Variants in ABL1 observed in about 807,000 individuals in gnomAD.
ABL1 encodes the protein ABL proto-oncogene 1, non-receptor tyrosine kinase.
ABL1 carries 11 observed loss-of-function variants against 94.7 expected under a neutral mutation model. The observed-to-expected ratio is 0.12, with a 90% CI of 0.07 to 0.19. ABL1 has a LOEUF of 0.19. Ranked by LOEUF, ABL1 falls within the 10% of genes least tolerant of loss-of-function variation. The pLI is 1.00. For missense variants in ABL1, 1,082 were observed against 1,489.4 expected (o/e 0.73, Z 4.50); for synonymous variants, 656 against 622.4 (o/e 1.05, Z -0.80).
intron 1 of ABL1, among the ~76,000 whole-genome samples, chr9:130,837,085 C>T (rs895788933): frequency 1.3e-5 from 2 of 152,180 alleles, no homozygotes; most frequent in East Asian, 3.8e-4. Flanking sequence ...TACCTCACTC[C>T]TCTTCTGTCT....
At chr9:130,883,377 G>C (rs192092968) in intron 10 of ABL1, among the ~76,000 whole-genome samples, 1 of 152,020 alleles carries the variant, frequency 6.6e-6, no homozygotes, top group Non-Finnish European at 1.5e-5. Flanking sequence ...GGTGCCTATA[G>C]TCCTAGCTAC....
At chr9:130,828,867 TTAGTG>T (rs1358221625) in intron 1 of ABL1, among the ~76,000 whole-genome samples, 10 of 152,048 alleles carry the variant, frequency 6.6e-5, no homozygotes, top group Non-Finnish European at 4.4e-5. Context: ...ATTTCAGAGT[TTAGTG>T]AAGTGAGTAT....
At chr9:130,734,523 C>CTTT (rs1381752821) in intron 1 of ABL1, among the ~76,000 whole-genome samples, 1 of 112,566 alleles carries the variant, frequency 8.9e-6, no homozygotes, top group Admixed American at 9.3e-5. Flanking sequence ...CCTGAATCTT[C>CTTT]TTTTTTTTTT....
rs1830933757 is a variant in ABL1, at chr9:130,854,071, T to C, written c.87T>C (p.Leu29=). ...SSSSCYLEEA[L]QRPVASDFEP... ...CCCCCCTTTCTCTTCCAGAAGCCCT[T>C]CAGCGGCCAGTAGCATCTGACTTTG... Residue 29 remains leucine, a synonymous_variant, in exon 2 of 11, where the codon CTT becomes CTC. Coordinates refer to ENST00000318560, the MANE Select transcript of ABL1 (RefSeq NM_005157.6). The C allele has an allele frequency of 1.2e-6, 2 of 1,610,512 alleles. No individual in the cohort carries two copies. Among genetic ancestry groups the C allele is most frequent in the Non-Finnish European group, 1.7e-6 (2 of 1,178,508 alleles).
In ABL1 at chr9:130,884,509, T is replaced by C; in HGVS notation, c.2219T>C (p.Leu740Ser). The C allele has an allele frequency of 1.2e-6, 2 of 1,613,094 alleles. No homozygotes were observed. The highest frequency in any genetic ancestry group is 1.7e-6 in the Non-Finnish European group (2 of 1,180,010). ...AGGTCAGTCACGCTGCCTCGGGACT[T>C]GCAGTCCACGGGAAGACAGTTTGAC... ...EWRSVTLPRD[L>S]QSTGRQFDSS... Residue 740 changes from leucine to serine, a missense_variant, in exon 11 of 11, where the codon TTG (leucine) becomes TCG (serine). Transcript: ENST00000318560. The surrounding 1 kb of genome is among the most constrained non-coding windows in gnomAD (Gnocchi z 5.6).
intron 1 of ABL1, among the ~76,000 whole-genome samples, chr9:130,816,813 C>T (rs1306433728): frequency 6.6e-6 from 1 of 152,222 alleles, no homozygotes; most frequent in African/African-American, 2.4e-5. Flanking sequence ...AAGCGATTCT[C>T]CTGCCTCAGC....
chr9:130,721,823 T>G (rs7037296), intron 1 of ABL1, among the ~76,000 whole-genome samples: 13 of 66,824 alleles, frequency 1.9e-4, no homozygotes, highest in East Asian at 8.8e-4. Flanking sequence ...TTTTTTTTTG[T>G]TTTTTTTTTT....
intron 1 of ABL1, among the ~76,000 whole-genome samples, chr9:130,828,621 C>T (rs543097123): frequency 1.2e-4 from 18 of 152,098 alleles, no homozygotes; most frequent in Non-Finnish European, 7.4e-5. Flanking sequence ...ACAGGATAAT[C>T]GCTTGAACCC....
At chr9:130,779,509 A>G (rs923343435) in intron 1 of ABL1, among the ~76,000 whole-genome samples, 10 of 152,284 alleles carry the variant, frequency 6.6e-5, no homozygotes, top group Non-Finnish European at 1.5e-4. Context: ...ATCTTGAGAT[A>G]TATTAAAGTC....
At chr9:130,850,232 T>C (rs1020859817) in intron 1 of ABL1, among the ~76,000 whole-genome samples, 42 of 152,216 alleles carry the variant, frequency 2.8e-4, no homozygotes, top group African/African-American at 9.9e-4. Flanking sequence ...GAAAAGAGAA[T>C]TGTTTCTAGG....
chr9:130,853,902 A>T (rs1248672478), intron 1 of ABL1, among the ~76,000 whole-genome samples, 162 bp from the exon 2 acceptor site: 2 of 152,246 alleles, frequency 1.3e-5, no homozygotes, highest in African/African-American at 4.8e-5. Context: ...AGAGTTTTTT[A>T]AAAACCACCT....
rs544644650 is a variant in ABL1, at chr9:130,752,916, G to A, written c.136+38461G>A. Among the ~76,000 whole-genome samples, 104 of 148,658 alleles carry A rather than the reference G, an allele frequency of 7.0e-4. 3 individuals carry two copies. In the South Asian group the frequency reaches 0.021, roughly 30 times the overall value. On this transcript the variant is annotated intron_variant, in intron 1 of 10. Transcript: ENST00000372348. The stretch of plus-strand genomic sequence containing the variant: ...GGAGGTTGCAGTGAGCCAAGATCGC[G>A]CCATTGCACTCCAGCCTGGGTTACA...
At chr9:130,727,766 A>G (rs1174542057) in intron 1 of ABL1, among the ~76,000 whole-genome samples, 4 of 116,308 alleles carry the variant, frequency 3.4e-5, no homozygotes, top group Admixed American at 2.4e-4. Context: ...CCCCCCCCAA[A>G]AAAAAGCATT....
chr9:130,878,380 T>G (rs1420423819), intron 7 of ABL1, 35 bp from the exon 8 acceptor site: 10 of 1,611,490 alleles, frequency 6.2e-6, no homozygotes, highest in Non-Finnish European at 6.8e-6. Context: ...ATGCTACACA[T>G]CTTGAACAGC....
intron 1 of ABL1, among the ~76,000 whole-genome samples, chr9:130,798,646 T>C (rs138865884): frequency 1.3e-5 from 2 of 152,250 alleles, no homozygotes; most frequent in Non-Finnish European, 2.9e-5. Flanking sequence ...TCCAGGCCTC[T>C]TCCCACAGTA....
chr9:130,770,916 G>A (rs1412048536), intron 1 of ABL1, among the ~76,000 whole-genome samples: 1 of 152,134 alleles, frequency 6.6e-6, no homozygotes, highest in Non-Finnish European at 1.5e-5. Flanking sequence ...AACATGAAAG[G>A]AGGTTCATAA....
intron 1 of ABL1, among the ~76,000 whole-genome samples, chr9:130,781,989 C>A (rs1829762400): frequency 1.3e-5 from 2 of 152,164 alleles, no homozygotes. Flanking sequence ...CATATATGTA[C>A]ATATACAGCT....
intron 1 of ABL1, among the ~76,000 whole-genome samples, chr9:130,785,041 T>G (rs1006636851): frequency 6.6e-6 from 1 of 152,222 alleles, no homozygotes; most frequent in African/African-American, 2.4e-5. Flanking sequence ...ATCAATTTCT[T>G]GCTTGTTATC....
At chr9:130,773,902 G>T (rs1282405438) in intron 1 of ABL1, among the ~76,000 whole-genome samples, 1 of 152,086 alleles carries the variant, frequency 6.6e-6, no homozygotes, top group African/African-American at 2.4e-5. Context: ...ATAGTGAAAA[G>T]CCCATCATCC....
Sources: gnomAD v4.1 joint callset for allele counts (sites outside exome capture counted in the v4.1 genomes callset) on GRCh38, gnomAD v4.1.1 for gene constraint, Gnocchi (gnomAD v3.1) non-coding constraint, MANE v1.5 for transcripts, NCBI Gene and HGNC (gene_info 2026-07-23, HGNC 2026-07-21) for gene names.